The following SPAG16 variants were observed in gnomAD, a reference collection of about 807,000 sequenced individuals.
SPAG16 encodes sperm associated antigen 16.
In SPAG16, 86 loss-of-function variants were observed where a neutral mutation model predicts 80.4. The observed-to-expected ratio is 1.07, with a 90% CI of 0.90 to 1.28. The LOEUF is 1.28. Ranked by LOEUF, SPAG16 falls within the 50% of genes most tolerant of loss-of-function variation. The pLI is 0.00. For missense variants in SPAG16, 870 were observed against 765.3 expected (o/e 1.14, Z -1.61); for synonymous variants, 294 against 265.9 (o/e 1.11, Z -1.03).
At chr2:214,245,212 T>G (rs561254230) in intron 15 of SPAG16, among the ~76,000 whole-genome samples, 1 of 152,276 alleles carries the variant, frequency 6.6e-6, no homozygotes. Flanking sequence ...ATCACGGATT[T>G]AGGATTTATA....
At chr2:214,363,669 T>A (rs1308767582) in intron 15 of SPAG16, among the ~76,000 whole-genome samples, 1 of 151,950 alleles carries the variant, frequency 6.6e-6, no homozygotes, top group Admixed American at 6.6e-5. Context: ...GTCATGGGCA[T>A]ATGCAGGGGG....
chr2:213,933,217 T>C (rs1450911230), intron 12 of SPAG16, among the ~76,000 whole-genome samples: 1 of 152,162 alleles, frequency 6.6e-6, no homozygotes, highest in Non-Finnish European at 1.5e-5. Flanking sequence ...TGTATTTCTT[T>C]AGAGGCATTT....
intron 9 of SPAG16, among the ~76,000 whole-genome samples, chr2:213,383,944 T>G (rs1453843580): frequency 6.6e-6 from 1 of 152,202 alleles, no homozygotes; most frequent in Non-Finnish European, 1.5e-5. Context: ...TCTCACTTTA[T>G]GAGAAGACAC....
At chr2:214,338,849 AT>A (rs1697476371) in intron 15 of SPAG16, among the ~76,000 whole-genome samples, 2 of 152,124 alleles carry the variant, frequency 1.3e-5, no homozygotes, top group African/African-American at 2.4e-5. Flanking sequence ...AATAGTTGCG[AT>A]TTTTGTTGTT....
At chr2:213,570,826 T>G (rs1430815322) in intron 10 of SPAG16, among the ~76,000 whole-genome samples, 45 of 27,752 alleles carry the variant, frequency 1.6e-3, no homozygotes, top group East Asian at 3.5e-3. Context: ...TGTCTAATGT[T>G]GACAGTGGGG....
chr2:214,197,901 C>T (rs1245167231), intron 15 of SPAG16, among the ~76,000 whole-genome samples: 1 of 151,722 alleles, frequency 6.6e-6, no homozygotes, highest in Non-Finnish European at 1.5e-5. Flanking sequence ...TATCGATTCT[C>T]ACTCTTTTTA....
At chr2:214,039,166 A>G (rs1054548492) in intron 13 of SPAG16, among the ~76,000 whole-genome samples, 1 of 152,204 alleles carries the variant, frequency 6.6e-6, no homozygotes, top group Admixed American at 6.5e-5. Flanking sequence ...CCAACAGTGT[A>G]AAAGTGTTCC....
At chr2:213,327,781 G>T (rs1232134737) in intron 5 of SPAG16, among the ~76,000 whole-genome samples, 1 of 151,858 alleles carries the variant, frequency 6.6e-6, no homozygotes, top group Non-Finnish European at 1.5e-5. Flanking sequence ...TTACTTACTG[G>T]CACACTCCTT....
rs1240143344 is a variant in SPAG16, at chr2:213,703,405, A to G, written c.1071-159080A>G. Among the ~76,000 whole-genome samples the G allele has an allele frequency of 6.6e-5, 10 of 152,348 alleles. No homozygotes were observed. The South Asian group carries it at 8.3e-4, about 13-fold the overall frequency. ...ATTCTCCAGCGCAGAGAGAGCACCA[A>G]CGTTTTAAAGACTTTACTAAAATTA... On this transcript the variant is annotated intron_variant, in intron 10 of 15. Coordinates refer to ENST00000331683, the MANE Select transcript of SPAG16 (RefSeq NM_024532.5).
chr2:213,452,977 C>G (rs17695086), intron 9 of SPAG16, among the ~76,000 whole-genome samples: 1 of 152,258 alleles, frequency 6.6e-6, no homozygotes, highest in East Asian at 1.9e-4. Flanking sequence ...GAATTAACAG[C>G]TTTTAAGGCT....
At chr2:213,618,892 G>C (rs2061684423) in intron 10 of SPAG16, among the ~76,000 whole-genome samples, 1 of 152,050 alleles carries the variant, frequency 6.6e-6, no homozygotes, top group East Asian at 1.9e-4. Flanking sequence ...GAGTTTAACT[G>C]TACCTTATAC....
rs369965944 is a variant in SPAG16, at chr2:213,986,891, C to CAAAAA, written c.1401-27037_1401-27033dup. Among the ~76,000 whole-genome samples the CAAAAA allele has an allele frequency of 1.3e-3, 73 of 57,642 alleles. 7 individuals are homozygous for CAAAAA. Among genetic ancestry groups the CAAAAA allele is most frequent in the African/African-American group, 3.5e-3 (68 of 19,204 alleles). 37.8% of individuals were successfully genotyped at this position (57,642 alleles called of 152,430 possible). ...GTCAATTTGTCTGCCTCTGGTATAG[C>CAAAAA]AAAAAAAAAAAAAAAAAAAAAAAAA... On this transcript the variant is annotated intron_variant, in intron 12 of 15. Transcript: ENST00000331683.
At chr2:213,523,575 G>A (rs575197504) in intron 10 of SPAG16, among the ~76,000 whole-genome samples, 7 of 152,300 alleles carry the variant, frequency 4.6e-5, no homozygotes, top group Admixed American at 4.6e-4. Context: ...ACTTCTTAGA[G>A]ACTTGGAGGG....
intron 15 of SPAG16, among the ~76,000 whole-genome samples, chr2:214,291,724 G>A (rs939760873): frequency 6.6e-6 from 1 of 151,988 alleles, no homozygotes; most frequent in Non-Finnish European, 1.5e-5. Flanking sequence ...TTGTTGTTTC[G>A]GGTTGTGTTG....
chr2:214,138,587 T>C (rs4374321), intron 14 of SPAG16, among the ~76,000 whole-genome samples: 99,734 of 151,964 alleles, frequency 0.66, 32,935 homozygotes, highest in Non-Finnish European at 0.71. Context: ...GACTTCAGAC[T>C]GAGCAGTTGG....
Position 213,992,984 on chromosome 2 carries a change from C to A in SPAG16, c.1401-20967C>A, listed in dbSNP as rs78523198. Among the ~76,000 whole-genome samples, 695 of 152,200 alleles carry A rather than the reference C, an allele frequency of 4.6e-3. 5 individuals are homozygous for A. Among genetic ancestry groups the A allele is most frequent in the African/African-American group, 0.015 (637 of 41,526 alleles). ...AGGGTGGTCATACCAAAAGGATGAA[C>A]AAAATACTTCAAGCAAAACTAACAG... On this transcript the variant is annotated intron_variant, in intron 12 of 15. Transcript: ENST00000331683.
At chr2:213,660,299 C>G (rs1188758455) in intron 10 of SPAG16, among the ~76,000 whole-genome samples, 1 of 149,916 alleles carries the variant, frequency 6.7e-6, no homozygotes, top group Non-Finnish European at 1.5e-5. Flanking sequence ...GAGACAGAGT[C>G]TCACTTTGTT....
intron 15 of SPAG16, among the ~76,000 whole-genome samples, chr2:214,337,928 G>T (rs1227642959): frequency 6.6e-6 from 1 of 151,650 alleles, no homozygotes; most frequent in Non-Finnish European, 1.5e-5. Context: ...TTCTAGCAAA[G>T]AACTTGGATT....
At chr2:214,069,102 C>A (rs964661009) in intron 13 of SPAG16, among the ~76,000 whole-genome samples, 4 of 152,044 alleles carry the variant, frequency 2.6e-5, no homozygotes, top group Admixed American at 6.6e-5. Context: ...TGCCCTTCCA[C>A]AAATTTTCTG....
Sources: allele counts gnomAD v4.1 joint callset (sites outside exome capture counted in the v4.1 genomes callset), GRCh38; gene constraint gnomAD v4.1.1; transcripts MANE v1.5; gene names NCBI Gene and HGNC (gene_info 2026-07-23, HGNC 2026-07-21).